Variants in GALNT9 observed in about 807,000 individuals in gnomAD.
GALNT9 encodes the protein polypeptide N-acetylgalactosaminyltransferase 9.
GALNT9 carries 47 observed loss-of-function variants against 63.1 expected under a neutral mutation model. That is an observed-to-expected ratio of 0.75 (90% CI 0.59 to 0.95). The LOEUF (loss-of-function observed/expected upper bound fraction) is 0.95, where lower values mean the gene tolerates loss of function less well. Ranked by LOEUF, GALNT9 falls within the 40% of genes least tolerant of loss-of-function variation. The pLI is 0.00. For missense variants in GALNT9, 829 were observed against 874.8 expected (o/e 0.95, Z 0.66); for synonymous variants, 396 against 365.7 (o/e 1.08, Z -0.94).
intron 6 of GALNT9, chr12:132,240,812 C>A (rs868932002): frequency 4.7e-6 from 2 of 429,834 alleles, no homozygotes; most frequent in Non-Finnish European, 9.4e-6. Flanking sequence ...GCCACACACC[C>A]TTCCCAAGGC....
intron 6 of GALNT9, among the ~76,000 whole-genome samples, chr12:132,206,758 C>G (rs58458586): frequency 6.6e-6 from 1 of 152,076 alleles, no homozygotes; most frequent in Non-Finnish European, 1.5e-5. Flanking sequence ...GAGGAGGAGC[C>G]GAGCCCCCAC....
chr12:132,308,377 G>A (rs989396765), intron 1 of GALNT9, among the ~76,000 whole-genome samples: 1 of 152,246 alleles, frequency 6.6e-6, no homozygotes, highest in South Asian at 2.1e-4. Context: ...AGGCTAAGCT[G>A]GTGCAGCAAG....
intron 1 of GALNT9, among the ~76,000 whole-genome samples, chr12:132,321,588 C>T (rs1868802973): frequency 6.6e-6 from 1 of 152,178 alleles, no homozygotes; most frequent in Non-Finnish European, 1.5e-5. Context: ...CTCACTTCGC[C>T]CTGACCACCC....
chr12:132,276,519 A>C (rs112250270), intron 2 of GALNT9: 4 of 154,958 alleles, frequency 2.6e-5, no homozygotes, highest in African/African-American at 9.6e-5. Context: ...CAGCTCCTCA[A>C]AGTGCCATCC....
At chr12:132,256,631 TGGGGGGACGCTGGAGGGGGACACTGGA>T (rs1394539420) in intron 5 of GALNT9, among the ~76,000 whole-genome samples, 2 of 57,716 alleles carry the variant, frequency 3.5e-5, no homozygotes, top group Admixed American at 2.7e-4. Context: ...GGGGGAACAC[TGGGGGGACGCTGGAGGGGGACACTGGA>T]GGGGGGACGC....
intron 1 of GALNT9, among the ~76,000 whole-genome samples, chr12:132,304,169 G>A (rs1593116282): frequency 3.0e-5 from 1 of 33,308 alleles, no homozygotes; most frequent in Admixed American, 3.5e-4. Context: ...CCTCACCGGG[G>A]CACACCCTCA....
chr12:132,320,833 G>A (rs904709186), intron 1 of GALNT9, among the ~76,000 whole-genome samples: 3 of 152,242 alleles, frequency 2.0e-5, no homozygotes, highest in Non-Finnish European at 2.9e-5. Flanking sequence ...GCTGTGCCGC[G>A]TGCCTCCTTC....
rs372745215 is a variant in GALNT9, at chr12:132,197,096, C to G, written c.*11G>C. The G allele has an allele frequency of 6.2e-7, 1 of 1,613,420 alleles. No homozygotes were observed. On this transcript the variant is annotated 3_prime_UTR_variant, in exon 11 of 11. Transcript: ENST00000328957. ...TTCCCGAGGTCTGTGGGGGTCCGGG[C>G]GGAGGTGGGGTCAGTGCCGTGCGTG...
intron 10 of GALNT9, 26 bp downstream of exon 10, chr12:132,197,765 CA>C: frequency 2.5e-5 from 37 of 1,471,728 alleles, no homozygotes; most frequent in Middle Eastern, 2.3e-4. Flanking sequence ...GCCCCAACCC[CA>C]CGGCCCCCCT....
At chr12:132,210,353 G>T (rs562570107) in intron 6 of GALNT9, among the ~76,000 whole-genome samples, 1 of 152,364 alleles carries the variant, frequency 6.6e-6, no homozygotes, top group Admixed American at 6.5e-5. Flanking sequence ...CTGTTCTTCT[G>T]GTCAAGGCAA....
intron 5 of GALNT9, among the ~76,000 whole-genome samples, chr12:132,251,390 C>A (rs1353907365): frequency 2.0e-5 from 3 of 152,192 alleles, no homozygotes; most frequent in African/African-American, 4.8e-5. Flanking sequence ...GTGAAACAGG[C>A]CGGTGCTCTG....
chr12:132,294,344 G>A (rs1314701205), intron 1 of GALNT9, among the ~76,000 whole-genome samples: 3 of 152,210 alleles, frequency 2.0e-5, no homozygotes, highest in Non-Finnish European at 2.9e-5. Flanking sequence ...AGGCTCCTCC[G>A]TGAACAGCAG....
intron 6 of GALNT9, chr12:132,240,453 C>T (rs1438524631): frequency 8.1e-6 from 3 of 369,298 alleles, no homozygotes; most frequent in South Asian, 6.1e-5. Context: ...AGAACCAGCC[C>T]TCAGAACGGA....
At chr12:132,264,273 G>A (rs868976466) in intron 2 of GALNT9, among the ~76,000 whole-genome samples, 2 of 152,246 alleles carry the variant, frequency 1.3e-5, no homozygotes, top group East Asian at 1.9e-4. Flanking sequence ...CGCTGGCCAC[G>A]CGGAGAAGCG....
intron 6 of GALNT9, among the ~76,000 whole-genome samples, chr12:132,210,878 C>T (rs113717833): frequency 0.014 from 2,184 of 151,496 alleles, 43 homozygotes; most frequent in African/African-American, 0.049. Flanking sequence ...TGGAGGTCGC[C>T]GTCTGGGTGG....
rs1555242192 is a variant in GALNT9 at position 132,286,394 on chromosome 12, C to T, written c.275G>A (p.Gly92Glu). The T allele has an allele frequency of 3.2e-6, 5 of 1,550,618 alleles. No individual in the cohort carries two copies. The South Asian group carries it at 4.8e-5, about 15-fold the overall frequency. ...CGCCAAGCCACCCTGGCCCAGGCCT[C>T]CTGGCCCCTCCACCAGGCCGATGGG... ...AKPIGLVEGP[G>E]GLGQGGLAAT... is the part of the protein sequence containing the mutation. The change falls in exon 2 of 11, where the codon GGA (glycine) becomes GAA (glutamate). Residue 92 changes from glycine to glutamate, a missense_variant. By Grantham distance (98) the Gly-to-Glu change is moderately conservative. Transcript: ENST00000328957. This position sits in a 1 kb window ranked among gnomAD's most constrained non-coding sequence, Gnocchi z 7.4.
intron 1 of GALNT9, among the ~76,000 whole-genome samples, chr12:132,321,839 C>A (rs1438726733): frequency 5.9e-5 from 9 of 152,128 alleles, no homozygotes; most frequent in African/African-American, 1.9e-4. Context: ...CCTCACACAC[C>A]TGTCCCCTCA....
At chr12:132,201,295 G>C (rs1334407650) in intron 7 of GALNT9, 34 bp from the exon 8 acceptor site, 2 of 1,506,202 alleles carry the variant, frequency 1.3e-6, no homozygotes, top group Non-Finnish European at 1.8e-6. Flanking sequence ...AGGGTACATG[G>C]GTGTCACCAT....
intron 1 of GALNT9, among the ~76,000 whole-genome samples, chr12:132,301,958 A>T (rs1237202793): frequency 6.6e-6 from 1 of 152,160 alleles, no homozygotes; most frequent in Non-Finnish European, 1.5e-5. Context: ...CATCCATCAG[A>T]CGCTTGTCCA....
Sources: allele counts gnomAD v4.1 joint callset (sites outside exome capture counted in the v4.1 genomes callset), GRCh38; gene constraint gnomAD v4.1.1; non-coding constraint Gnocchi (gnomAD v3.1); transcripts MANE v1.5; gene names NCBI Gene and HGNC (gene_info 2026-07-23, HGNC 2026-07-21).